ST7: variants seen among roughly 807,000 people sequenced by gnomAD.
ST7 encodes the protein suppressor of tumorigenicity 7 protein.
A neutral mutation model predicts 78.7 loss-of-function variants in ST7; 28 were observed. The ratio of observed to expected loss-of-function variants is 0.36; its 90% CI spans 0.26 to 0.49. The LOEUF (loss-of-function observed/expected upper bound fraction) is 0.49. Ranked by LOEUF, ST7 falls within the 20% of genes least tolerant of loss-of-function variation. ST7 has a pLI of 0.99. For synonymous variants in ST7, 247 were observed against 249.6 expected, an observed-to-expected ratio of 0.99 and a Z score of 0.10; for missense variants, 418 against 696.0, an observed-to-expected ratio of 0.60 and a Z score of 4.49.
chr7:117,139,540 C>T (rs17139383), intron 9 of ST7, among the ~76,000 whole-genome samples: 19,254 of 152,056 alleles, frequency 0.13, 2,496 homozygotes, highest in African/African-American at 0.33. Flanking sequence ...CAACACTCAA[C>T]GCTCACCCCT....
At position 117,002,813 on chromosome 7, in the gene ST7, C is replaced by CTTT. The variant is rs397970060; in HGVS notation, c.151+49146_151+49148dup. The stretch of plus-strand genomic sequence containing the variant: ...AGATGCATCTACTGAATTTTTTTTC[C>CTTT]TTTTTTTTTTTTTTTTTTTTTTTTT... On this transcript the variant is annotated intron_variant, in intron 1 of 15. Transcript: ENST00000323984. Among the ~76,000 whole-genome samples the CTTT allele has an allele frequency of 4.3e-3, 310 of 72,134 alleles. 34 individuals carry two copies. Among genetic ancestry groups the CTTT allele is most frequent in the Non-Finnish European group, 5.2e-3 (218 of 42,278 alleles). The allele number at this position is 72,134 out of a possible 152,430, so 47.3% of individuals were successfully genotyped here.
At chr7:117,140,267 G>C (rs1805166093) in intron 9 of ST7, among the ~76,000 whole-genome samples, 1 of 150,168 alleles carries the variant, frequency 6.7e-6, no homozygotes, top group African/African-American at 2.5e-5. Context: ...TTGGGGGAGA[G>C]ATGGATGCAG....
At chr7:117,120,998 A>T (rs1159763588) in intron 3 of ST7, among the ~76,000 whole-genome samples, 1 of 152,204 alleles carries the variant, frequency 6.6e-6, no homozygotes, top group Non-Finnish European at 1.5e-5. Context: ...GGGAAACTTC[A>T]ATGAAAATAT....
intron 9 of ST7, among the ~76,000 whole-genome samples, chr7:117,168,770 A>G (rs184862497): frequency 6.6e-6 from 1 of 152,344 alleles, no homozygotes; most frequent in East Asian, 1.9e-4. Flanking sequence ...AGGGTAAATG[A>G]TTATTGGCTT....
chr7:117,098,098 T>C (rs112322335), intron 1 of ST7, among the ~76,000 whole-genome samples: 1 of 150,910 alleles, frequency 6.6e-6, no homozygotes, highest in African/African-American at 2.4e-5. Context: ...CTCTTGTGAT[T>C]GCAGATGAAA....
chr7:117,068,013 GTTGT>G (rs1325740923), intron 1 of ST7, among the ~76,000 whole-genome samples: 1 of 151,648 alleles, frequency 6.6e-6, no homozygotes, highest in African/African-American at 2.4e-5. Flanking sequence ...GTTTTGTTAG[GTTGT>G]TTTTCTTTTT....
intron 2 of ST7, among the ~76,000 whole-genome samples, chr7:117,105,154 TTC>T (rs1257111476): frequency 1.3e-5 from 2 of 152,226 alleles, no homozygotes; most frequent in Admixed American, 1.3e-4. Context: ...AAAAAGAATG[TTC>T]TGTTATTTGC....
chr7:117,100,314 A>G (rs1426532817), intron 2 of ST7, among the ~76,000 whole-genome samples: 2 of 152,074 alleles, frequency 1.3e-5, no homozygotes, highest in Non-Finnish European at 2.9e-5. Flanking sequence ...TCTACTAAAA[A>G]TACAAAAAAA....
intron 9 of ST7, among the ~76,000 whole-genome samples, chr7:117,157,759 A>T (rs1806811865): frequency 6.6e-6 from 1 of 152,100 alleles, no homozygotes; most frequent in African/African-American, 2.4e-5. Flanking sequence ...GGCACAGGAG[A>T]GCAGTGCCAT....
At chr7:117,214,814 T>G (rs1792561545) in intron 13 of ST7, among the ~76,000 whole-genome samples, 1 of 152,118 alleles carries the variant, frequency 6.6e-6, no homozygotes, top group South Asian at 2.1e-4. Flanking sequence ...TTCATTACTT[T>G]ATTCAACAAA....
At chr7:117,045,235 C>A (rs1007821209) in intron 1 of ST7, among the ~76,000 whole-genome samples, 2 of 152,084 alleles carry the variant, frequency 1.3e-5, no homozygotes, top group African/African-American at 4.8e-5. Flanking sequence ...TCCAGTCAGA[C>A]CTTGTCACTC....
chr7:117,060,036 C>T (rs1798270320), intron 1 of ST7, among the ~76,000 whole-genome samples: 1 of 152,016 alleles, frequency 6.6e-6, no homozygotes, highest in South Asian at 2.1e-4. Flanking sequence ...TTAATATATT[C>T]CTGACCTTGG....
intron 1 of ST7, among the ~76,000 whole-genome samples, chr7:116,981,367 C>T (rs1332262772): frequency 1.3e-5 from 2 of 152,154 alleles, no homozygotes; most frequent in Non-Finnish European, 2.9e-5. Context: ...ACCTCGGCCT[C>T]CCAAAATGCC....
At chr7:117,030,975 G>A (rs1204296873) in intron 1 of ST7, among the ~76,000 whole-genome samples, 1 of 152,032 alleles carries the variant, frequency 6.6e-6, no homozygotes, top group African/African-American at 2.4e-5. Flanking sequence ...AGAAAATGTG[G>A]TACATATACA....
intron 1 of ST7, among the ~76,000 whole-genome samples, chr7:117,028,974 C>T (rs1442214129): frequency 2.6e-5 from 4 of 152,162 alleles, no homozygotes; most frequent in Admixed American, 6.6e-5. Flanking sequence ...CCACTAAAAA[C>T]GTAACTACTA....
chr7:117,185,062 C>T (rs916293883), intron 10 of ST7, among the ~76,000 whole-genome samples: 5 of 152,128 alleles, frequency 3.3e-5, no homozygotes, highest in African/African-American at 9.7e-5. Flanking sequence ...AATACTTTCT[C>T]CTAGAGGATA....
intron 1 of ST7, among the ~76,000 whole-genome samples, chr7:117,008,993 G>A (rs1389981505): frequency 6.6e-6 from 1 of 152,072 alleles, no homozygotes; most frequent in African/African-American, 2.4e-5. Context: ...TTGGAACATG[G>A]CTACATTAAT....
At chr7:116,970,029 C>T (rs1196217296) in intron 1 of ST7, among the ~76,000 whole-genome samples, 2 of 152,012 alleles carry the variant, frequency 1.3e-5, no homozygotes, top group Admixed American at 6.6e-5. Flanking sequence ...GAGCCGAGAT[C>T]GCGCCATTGC....
chr7:117,129,997 T>A, intron 4 of ST7, 150 bp downstream of exon 4: 3 of 593,172 alleles, frequency 5.1e-6, no homozygotes, highest in Non-Finnish European at 8.7e-6. Context: ...TTTTGATTTT[T>A]CTGTTTTATA....
Sources: gnomAD v4.1 joint callset for allele counts (sites outside exome capture counted in the v4.1 genomes callset) on GRCh38, gnomAD v4.1.1 for gene constraint, MANE v1.5 for transcripts, NCBI Gene and HGNC (gene_info 2026-07-23, HGNC 2026-07-21) for gene names.